PPP3CA: variants seen among roughly 807,000 people sequenced by gnomAD.
PPP3CA encodes the protein protein phosphatase 3 catalytic subunit alpha.
PPP3CA carries 14 observed loss-of-function variants against 66.5 expected under a neutral mutation model. The ratio of observed to expected loss-of-function variants is 0.21; its 90% confidence interval spans 0.14 to 0.33. The LOEUF (loss-of-function observed/expected upper bound fraction) is 0.33, where lower values mean the gene tolerates loss of function less well. PPP3CA is among the 10% of genes least tolerant of loss of function. The pLI is 1.00. For missense variants in PPP3CA, 317 were observed against 639.5 expected (o/e 0.50, Z 5.44); for synonymous variants, 232 against 226.2 (o/e 1.03, Z -0.23).
intron 2 of PPP3CA, among the ~76,000 whole-genome samples, chr4:101,138,877 A>G (rs1170585417): frequency 6.6e-6 from 1 of 152,226 alleles, no homozygotes; most frequent in East Asian, 1.9e-4. Flanking sequence ...TTCATTGTTA[A>G]TAATTTTATA....
chr4:101,180,532 A>G (rs1332088001), intron 2 of PPP3CA, among the ~76,000 whole-genome samples: 2 of 152,150 alleles, frequency 1.3e-5, no homozygotes, highest in East Asian at 1.9e-4. Context: ...TTATAATTGT[A>G]TGCCTTAAAT....
intron 1 of PPP3CA, among the ~76,000 whole-genome samples, chr4:101,228,239 A>G (rs1725844235): frequency 6.6e-6 from 1 of 151,724 alleles, no homozygotes; most frequent in South Asian, 2.1e-4. Flanking sequence ...TCACCATGAG[A>G]CTGCTCTTTC....
intron 10 of PPP3CA, among the ~76,000 whole-genome samples, chr4:101,046,995 G>A (rs898762248): frequency 6.6e-6 from 1 of 152,086 alleles, no homozygotes; most frequent in African/African-American, 2.4e-5. Flanking sequence ...TACAGATGAC[G>A]AAAATTATGA....
intron 1 of PPP3CA, among the ~76,000 whole-genome samples, chr4:101,236,541 T>C (rs559178844): frequency 1.3e-5 from 2 of 151,934 alleles, no homozygotes. Flanking sequence ...TCTCTCTCTA[T>C]GCTGTGTGGA....
chr4:101,258,737 G>C (rs1383214639), intron 1 of PPP3CA, among the ~76,000 whole-genome samples: 1 of 152,080 alleles, frequency 6.6e-6, no homozygotes, highest in Non-Finnish European at 1.5e-5. Flanking sequence ...AAAGAAAGGA[G>C]AAATGGTAAG....
At chr4:101,329,216 C>T (rs1729297561) in intron 1 of PPP3CA, among the ~76,000 whole-genome samples, 1 of 152,046 alleles carries the variant, frequency 6.6e-6, no homozygotes, top group Non-Finnish European at 1.5e-5. Flanking sequence ...GCTAAAGAGC[C>T]TAATGCCAAT....
At chr4:101,248,322 T>C (rs1363220338) in intron 1 of PPP3CA, among the ~76,000 whole-genome samples, 2 of 152,338 alleles carry the variant, frequency 1.3e-5, no homozygotes, top group Non-Finnish European at 2.9e-5. Context: ...TTCCTTCATG[T>C]AGTTTTCTTG....
At chr4:101,101,925 C>T (rs1360845395) in intron 3 of PPP3CA, among the ~76,000 whole-genome samples, 1 of 152,192 alleles carries the variant, frequency 6.6e-6, no homozygotes, top group African/African-American at 2.4e-5. Context: ...TCAAATACCA[C>T]TAGAGGAATC....
chr4:101,036,790 G>T (rs1005020463), intron 11 of PPP3CA, among the ~76,000 whole-genome samples: 1 of 152,146 alleles, frequency 6.6e-6, no homozygotes, highest in Non-Finnish European at 1.5e-5. Context: ...TAAATGCTCT[G>T]CCAAATTCAG....
Position 101,023,585 on chromosome 4 carries a change from T to C in PPP3CA, c.*2280A>G, listed in dbSNP as rs1726481630. ...ACACCATGATACCAGAATCACCATT[T>C]CTTTCACATCATCACTCTAGTAAGT... is the stretch of plus-strand genomic sequence containing the variant. On this transcript the variant is annotated 3_prime_UTR_variant, in exon 14 of 14. Coordinates refer to ENST00000394854, the MANE Select transcript of PPP3CA (RefSeq NM_000944.5). The C allele has an allele frequency of 6.6e-6, 1 of 152,518 alleles. No individual in the cohort carries two copies. Among genetic ancestry groups the C allele is most frequent in the Non-Finnish European group, 1.5e-5 (1 of 68,042 alleles). The allele number at this position is 152,518 out of a possible 1,614,324, so 9.4% of individuals were successfully genotyped here. A position where few individuals can be genotyped will look rare whatever the true frequency, so the allele number is the denominator to read the frequency against.
intron 1 of PPP3CA, among the ~76,000 whole-genome samples, chr4:101,278,586 G>C (rs2110275212): frequency 6.6e-6 from 1 of 152,312 alleles, no homozygotes; most frequent in East Asian, 1.9e-4. Context: ...ACTTCATTGT[G>C]TCCTGAAAAA....
At chr4:101,263,085 C>T (rs1727057480) in intron 1 of PPP3CA, among the ~76,000 whole-genome samples, 1 of 152,180 alleles carries the variant, frequency 6.6e-6, no homozygotes, top group Non-Finnish European at 1.5e-5. Context: ...TTAAGCTGAA[C>T]ACTTGAATCC....
At chr4:101,256,176 A>T (rs1449496069) in intron 1 of PPP3CA, among the ~76,000 whole-genome samples, 1 of 151,926 alleles carries the variant, frequency 6.6e-6, no homozygotes, top group Non-Finnish European at 1.5e-5. Context: ...CTTAATAGAG[A>T]TTTGCTATTA....
At chr4:101,175,682 C>G (rs575411526) in intron 2 of PPP3CA, among the ~76,000 whole-genome samples, 2 of 152,284 alleles carry the variant, frequency 1.3e-5, no homozygotes, top group East Asian at 3.9e-4. Flanking sequence ...ATGCCTGAGT[C>G]TGTCCTATAT....
At position 101,308,448 on chromosome 4, in the gene PPP3CA, T is replaced by A. The variant is rs556701986; in HGVS notation, c.58+38291A>T. Among the ~76,000 whole-genome samples the A allele has an allele frequency of 5.3e-5, 8 of 152,140 alleles. No individual in the cohort carries two copies. The South Asian group carries it at 1.4e-3, about 28-fold the overall frequency. On this transcript the variant is annotated intron_variant, in intron 1 of 13. Coordinates refer to ENST00000394854, the MANE Select transcript of PPP3CA (RefSeq NM_000944.5). ...GTTCACAAAATCCCCTTACATGTAA[T>A]ATTTCAGATTTTTTTTTCACAGACA...
chr4:101,233,873 G>A (rs62305944), intron 1 of PPP3CA, among the ~76,000 whole-genome samples: 14,550 of 151,494 alleles, frequency 0.096, 881 homozygotes, highest in Non-Finnish European at 0.14. Context: ...GGTAGGAGGC[G>A]TCATACCCAA....
At chr4:101,341,667 T>C (rs932085601) in intron 1 of PPP3CA, among the ~76,000 whole-genome samples, 1 of 152,152 alleles carries the variant, frequency 6.6e-6, no homozygotes, top group Non-Finnish European at 1.5e-5. Flanking sequence ...TTACTCCCCT[T>C]TTATGTATAG....
At chr4:101,159,266 A>T (rs1489515789) in intron 2 of PPP3CA, among the ~76,000 whole-genome samples, 1 of 152,188 alleles carries the variant, frequency 6.6e-6, no homozygotes, top group Non-Finnish European at 1.5e-5. Context: ...ACAGTGATTC[A>T]GAGGCCAGTG....
intron 1 of PPP3CA, among the ~76,000 whole-genome samples, chr4:101,288,780 A>G (rs1365462767): frequency 6.6e-6 from 1 of 152,204 alleles, no homozygotes; most frequent in Non-Finnish European, 1.5e-5. Flanking sequence ...TTTCCCCCCA[A>G]AAAATGTTTA....
Sources: allele counts gnomAD v4.1 joint callset (sites outside exome capture counted in the v4.1 genomes callset), GRCh38; gene constraint gnomAD v4.1.1; transcripts MANE v1.5; gene names NCBI Gene and HGNC (gene_info 2026-07-23, HGNC 2026-07-21).